SUCLG1: variants seen among roughly 807,000 people sequenced by gnomAD.
SUCLG1 encodes succinate-CoA ligase GDP/ADP-forming subunit alpha, also known as succinate--CoA ligase [ADP/GDP-forming] subunit alpha, mitochondrial.
SUCLG1 carries 26 observed loss-of-function variants against 37.3 expected under a neutral mutation model. The observed-to-expected ratio is 0.70, with a 90% CI of 0.51 to 0.97. SUCLG1 has a LOEUF of 0.97. Among genes scored for constraint, SUCLG1 ranks in the 50% least tolerant of loss-of-function variants. SUCLG1 has a pLI of 0.00. For missense variants in SUCLG1, 433 were observed against 432.9 expected, an observed-to-expected ratio of 1.00 and a Z score of 0.00; for synonymous variants, 163 against 155.6, an observed-to-expected ratio of 1.05 and a Z score of -0.36.
intron 6 of SUCLG1, chr2:84,433,075 G>A: frequency 2.0e-6 from 1 of 495,944 alleles, no homozygotes; most frequent in Non-Finnish European, 3.6e-6. Flanking sequence ...TTTCTTCAGA[G>A]CAATCAAACC....
rs767373888 is a variant in SUCLG1, at chr2:84,443,430, A to G, written c.202-30T>C. On this transcript the variant is annotated intron_variant, in intron 2 of 8. Coordinates refer to ENST00000393868, the MANE Select transcript of SUCLG1 (RefSeq NM_003849.4). ...GGGGAAAAAGCACAAGATCCATGAG[A>G]AACAGCAGACTGGTAAGCCCAAGAG... 4 of 1,599,110 alleles carry G rather than the reference A, an allele frequency of 2.5e-6. No homozygotes were observed. The Admixed American group carries it at 6.7e-5, about 27-fold the overall frequency.
chr2:84,451,493 T>C (rs1296369455), intron 1 of SUCLG1, among the ~76,000 whole-genome samples: 1 of 152,176 alleles, frequency 6.6e-6, no homozygotes, highest in Non-Finnish European at 1.5e-5. Flanking sequence ...GGAGCAGAAG[T>C]CACCCTGAGA....
chr2:84,424,908 A>ATTG (rs1303783209), intron 8 of SUCLG1, among the ~76,000 whole-genome samples: 6 of 152,186 alleles, frequency 3.9e-5, no homozygotes, highest in Non-Finnish European at 5.9e-5. Context: ...TGGTATCACA[A>ATTG]CATAGCCAGG....
chr2:84,433,019 A>T (rs1156694379), intron 6 of SUCLG1, among the ~76,000 whole-genome samples: 1 of 152,214 alleles, frequency 6.6e-6, no homozygotes, highest in Non-Finnish European at 1.5e-5. Context: ...TAAAGCACTG[A>T]TGAACATAAT....
chr2:84,440,219 C>A (rs1177470955), intron 5 of SUCLG1, among the ~76,000 whole-genome samples: 1 of 152,080 alleles, frequency 6.6e-6, no homozygotes, highest in Non-Finnish European at 1.5e-5. Flanking sequence ...ACTAAAAATA[C>A]AAAATTAGCT....
intron 5 of SUCLG1, among the ~76,000 whole-genome samples, chr2:84,438,510 T>G (rs1672722188): frequency 6.6e-6 from 1 of 152,258 alleles, no homozygotes; most frequent in African/African-American, 2.4e-5. Flanking sequence ...TACATTACAT[T>G]ATATTCCATT....
At position 84,431,509 on chromosome 2, in the gene SUCLG1, G is replaced by T; in HGVS notation, c.824C>A (p.Ser275Ter). The change falls in exon 7 of 9, where the codon TCA (serine) becomes TAA (stop). Residue 275 changes from serine (S) to a stop codon, truncating the protein, a stop_gained and splice_region_variant. Transcript: ENST00000393868. LOFTEE classifies it high-confidence loss of function. ...NAAEFLKQHN[S>*]GPNSKPVVSF... The stretch of plus-strand genomic sequence containing the variant: ...ATGTTTTTCCAAACCCAAACTTACT[G>T]AATTATGTTGCTTCAAAAATTCTGC... The T allele has an allele frequency of 1.2e-6, 2 of 1,613,918 alleles. No individual in the cohort carries two copies. Among genetic ancestry groups the T allele is most frequent in the Non-Finnish European group, 1.7e-6 (2 of 1,179,862 alleles).
chr2:84,459,025 C>G (rs1323721934), intron 1 of SUCLG1, 148 bp downstream of exon 1: 4 of 771,188 alleles, frequency 5.2e-6, no homozygotes, highest in Non-Finnish European at 8.0e-6. Flanking sequence ...CCGTAGGGGT[C>G]CCCGACTCGA....
intron 5 of SUCLG1, among the ~76,000 whole-genome samples, chr2:84,438,590 G>A (rs1329829480): frequency 1.3e-5 from 2 of 152,142 alleles, no homozygotes; most frequent in African/African-American, 4.8e-5. Flanking sequence ...TGAAGTCAAG[G>A]AGGCTATTGA....
At chr2:84,444,814 T>C (rs1048525950) in intron 2 of SUCLG1, among the ~76,000 whole-genome samples, 50 of 152,316 alleles carry the variant, frequency 3.3e-4, no homozygotes, top group African/African-American at 1.1e-3. Flanking sequence ...GGGATGTTCC[T>C]TGCTGAGAAA....
intron 5 of SUCLG1, among the ~76,000 whole-genome samples, chr2:84,436,361 C>T (rs979494003): frequency 1.3e-5 from 2 of 152,184 alleles, no homozygotes; most frequent in African/African-American, 4.8e-5. Flanking sequence ...ACTGATTCTA[C>T]CTAGCTTTAA....
chr2:84,449,780 A>C, intron 1 of SUCLG1, 28 bp from the exon 2 acceptor site: 1 of 1,427,030 alleles, frequency 7.0e-7, no homozygotes, highest in Non-Finnish European at 9.6e-7. Flanking sequence ...AAAAAAAAAA[A>C]AAAAAAAGAC....
intron 1 of SUCLG1, among the ~76,000 whole-genome samples, chr2:84,454,576 T>C (rs1159882328): frequency 1.3e-5 from 2 of 152,122 alleles, no homozygotes; most frequent in Non-Finnish European, 2.9e-5. Context: ...GCTCAGGCCC[T>C]ACCCACATGA....
intron 1 of SUCLG1, among the ~76,000 whole-genome samples, chr2:84,451,966 A>C (rs945753578): frequency 2.0e-5 from 3 of 152,214 alleles, no homozygotes; most frequent in Non-Finnish European, 4.4e-5. Flanking sequence ...TCCTGACAAT[A>C]AACCTGTATG....
chr2:84,457,573 C>T (rs1329821114), intron 1 of SUCLG1, among the ~76,000 whole-genome samples: 2 of 152,040 alleles, frequency 1.3e-5, no homozygotes, highest in Non-Finnish European at 2.9e-5. Context: ...CTAGATTTTT[C>T]TAGACAGCAG....
chr2:84,458,741 C>A (rs527382212), intron 1 of SUCLG1, among the ~76,000 whole-genome samples: 2 of 152,080 alleles, frequency 1.3e-5, no homozygotes, highest in Non-Finnish European at 2.9e-5. Context: ...CAGCCTCATC[C>A]CCCAACTTCC....
At chr2:84,441,547 T>TG in intron 3 of SUCLG1, 88 bp from the exon 4 acceptor site, 6 of 1,430,534 alleles carry the variant, frequency 4.2e-6, no homozygotes, top group Non-Finnish European at 5.8e-6. Context: ...AATAATGTCT[T>TG]GGGGTAAGAA....
chr2:84,449,701 A>G lies in SUCLG1; in HGVS notation c.149T>C (p.Leu50Pro). Residue 50 changes from leucine to proline, a missense_variant, in exon 2 of 9, where the codon CTC becomes CCC. Leu to Pro is a moderately conservative substitution (Grantham distance 98). Transcript: ENST00000393868. ...AATCTTTGTATTTTTATCAACATAG[A>G]GATGTTGCCGAGAAGCTGTGTAGGA... is the stretch of plus-strand genomic sequence containing the variant. ...HCSYTASRQH[L>P]YVDKNTKIIC... is the part of the protein sequence containing the mutation. 2 of 1,602,260 alleles carry G rather than the reference A, an allele frequency of 1.2e-6. No homozygotes were observed. Among genetic ancestry groups the G allele is most frequent in the Non-Finnish European group, 1.7e-6 (2 of 1,174,610 alleles).
chr2:84,459,032 T>A (rs1468183458), intron 1 of SUCLG1, 141 bp downstream of exon 1: 1 of 844,416 alleles, frequency 1.2e-6, no homozygotes. Context: ...GGTCCCCGAC[T>A]CGAAGCCGGA....
Sources: allele counts gnomAD v4.1 joint callset (sites outside exome capture counted in the v4.1 genomes callset), GRCh38; gene constraint gnomAD v4.1.1; transcripts MANE v1.5; gene names NCBI Gene and HGNC (gene_info 2026-07-23, HGNC 2026-07-21).